The following PTPRK variants were observed in gnomAD, a reference collection of about 807,000 sequenced individuals.
PTPRK encodes the protein receptor-type tyrosine-protein phosphatase kappa.
A neutral mutation model predicts 178.0 loss-of-function variants in PTPRK; 75 were observed. The ratio of observed to expected loss-of-function variants is 0.42; its 90% CI spans 0.35 to 0.51. The LOEUF (loss-of-function observed/expected upper bound fraction) is 0.51. PTPRK is among the 20% of genes least tolerant of loss of function. The pLI is 0.02. For missense variants in PTPRK, 1,441 were observed against 1,797.8 expected, an observed-to-expected ratio of 0.80 and a Z score of 3.59; for synonymous variants, 637 against 620.6, an observed-to-expected ratio of 1.03 and a Z score of -0.39.
rs1387534547 is a variant in PTPRK at position 128,436,978 on chromosome 6, G to A, written c.101-39290C>T. Among the ~76,000 whole-genome samples, 6 of 152,114 alleles carry A rather than the reference G, an allele frequency of 3.9e-5. No homozygotes were observed. The East Asian group carries it at 1.2e-3, about 29-fold the overall frequency. ...TGTGCACTTAGAAATTGTTTAAGAG[G>A]GAAATCTTGTGTTTTTAATTTATGA... On this transcript the variant is annotated intron_variant, in intron 1 of 29. Transcript: ENST00000368226.
At chr6:128,055,868 T>C (rs553103914) in intron 13 of PTPRK, among the ~76,000 whole-genome samples, 1 of 152,244 alleles carries the variant, frequency 6.6e-6, no homozygotes, top group South Asian at 2.1e-4. Context: ...CCCAAAGCAC[T>C]AGGATTACAG....
chr6:127,981,143 A>G lies in PTPRK; in HGVS notation c.3684T>C (p.Ser1228=), dbSNP rs1285578414. The stretch of plus-strand genomic sequence containing the variant: ...CCATAAGAGCAGCATTGATGTAGTT[A>G]CTGCTCTCCCCATCAATTGTAATTA... ...PFLITIDGES[S]NYINAALMDS... Residue 1228 remains serine (S), a synonymous_variant, in exon 25 of 30, where the codon AGT becomes AGC. Coordinates refer to ENST00000368226, the MANE Select transcript of PTPRK (RefSeq NM_002844.4). The G allele has an allele frequency of 6.2e-7, 1 of 1,614,056 alleles. No individual in the cohort carries two copies. The highest frequency in any genetic ancestry group is 1.7e-5 in the Admixed American group (1 of 60,022).
intron 2 of PTPRK, among the ~76,000 whole-genome samples, chr6:128,384,046 A>G (rs1002762454): frequency 1.3e-5 from 2 of 152,172 alleles, no homozygotes; most frequent in African/African-American, 4.8e-5. Flanking sequence ...GAGAAGGATA[A>G]TTTTTTTGTT....
chr6:128,206,406 T>TAAAAA (rs60030807), intron 6 of PTPRK, among the ~76,000 whole-genome samples: 4 of 120,606 alleles, frequency 3.3e-5, no homozygotes, highest in East Asian at 2.4e-4. Flanking sequence ...GGGTGTTCAT[T>TAAAAA]AAAAAAAAAA....
chr6:127,984,171 A>G (rs112871047), intron 22 of PTPRK, among the ~76,000 whole-genome samples: 2,295 of 152,270 alleles, frequency 0.015, 57 homozygotes, highest in African/African-American at 0.052. Flanking sequence ...TAATACACAT[A>G]ATGTAGAGTG....
intron 2 of PTPRK, among the ~76,000 whole-genome samples, chr6:128,375,325 G>C (rs1419086081): frequency 6.6e-6 from 1 of 151,734 alleles, no homozygotes; most frequent in Admixed American, 6.6e-5. Context: ...TCATAATAAT[G>C]GCAGAAGGCA....
At chr6:128,096,443 C>G (rs956762128) in intron 7 of PTPRK, among the ~76,000 whole-genome samples, 6 of 152,096 alleles carry the variant, frequency 3.9e-5, no homozygotes, top group Admixed American at 6.6e-5. Flanking sequence ...ATATCCCTGT[C>G]TTTTTGTAGC....
At chr6:128,488,180 C>T (rs970607499) in intron 1 of PTPRK, among the ~76,000 whole-genome samples, 3 of 152,212 alleles carry the variant, frequency 2.0e-5, no homozygotes, top group Non-Finnish European at 4.4e-5. Flanking sequence ...AGCTGAAGAA[C>T]TTGGAGTCTG....
intron 2 of PTPRK, among the ~76,000 whole-genome samples, chr6:128,336,283 C>T (rs1830920334): frequency 6.6e-6 from 1 of 151,702 alleles, no homozygotes; most frequent in African/African-American, 2.4e-5. Context: ...ACTTAAGGCT[C>T]AATGGGTAAA....
intron 7 of PTPRK, among the ~76,000 whole-genome samples, chr6:128,121,514 T>C (rs1792458043): frequency 6.6e-6 from 1 of 152,080 alleles, no homozygotes; most frequent in Non-Finnish European, 1.5e-5. Context: ...ATTAAAATTA[T>C]ATTTTATCCT....
chr6:128,139,613 T>C (rs1467043387), intron 7 of PTPRK, among the ~76,000 whole-genome samples: 1 of 151,992 alleles, frequency 6.6e-6, no homozygotes, highest in Admixed American at 6.6e-5. Context: ...TTTCCCCTTT[T>C]CTCTCCATCA....
chr6:128,436,419 T>G (rs2128397686), intron 1 of PTPRK, among the ~76,000 whole-genome samples: 1 of 152,302 alleles, frequency 6.6e-6, no homozygotes, highest in African/African-American at 2.4e-5. Flanking sequence ...TAAAGACAAT[T>G]TTTGACATTG....
intron 3 of PTPRK, among the ~76,000 whole-genome samples, chr6:128,310,155 T>C (rs1016701456): frequency 2.0e-5 from 3 of 152,308 alleles, no homozygotes; most frequent in South Asian, 2.1e-4. Context: ...GGGAAGTAGA[T>C]TGTGCCTTCT....
intron 3 of PTPRK, among the ~76,000 whole-genome samples, chr6:128,270,189 T>A (rs1431303730): frequency 6.6e-6 from 1 of 152,092 alleles, no homozygotes; most frequent in Non-Finnish European, 1.5e-5. Context: ...ATTACAACAA[T>A]ATCAACCATG....
At chr6:128,285,800 A>C (rs1448624038) in intron 3 of PTPRK, among the ~76,000 whole-genome samples, 3 of 151,498 alleles carry the variant, frequency 2.0e-5, no homozygotes, top group Admixed American at 6.6e-5. Flanking sequence ...ACGCTGTCTC[A>C]AAAAAAAGTC....
intron 13 of PTPRK, among the ~76,000 whole-genome samples, chr6:128,050,995 C>T (rs1778908301): frequency 6.6e-6 from 1 of 152,088 alleles, no homozygotes; most frequent in Admixed American, 6.5e-5. Context: ...TCTCTTGTTC[C>T]ACATCTGATA....
chr6:128,301,585 T>C (rs1056892142), intron 3 of PTPRK, among the ~76,000 whole-genome samples: 4 of 152,132 alleles, frequency 2.6e-5, no homozygotes, highest in African/African-American at 9.7e-5. Context: ...ACATTAAAAC[T>C]TCAGGCATAT....
intron 7 of PTPRK, among the ~76,000 whole-genome samples, chr6:128,120,962 A>T (rs1447748795): frequency 6.6e-6 from 1 of 151,934 alleles, no homozygotes. Flanking sequence ...CAGAATTGGA[A>T]GAGAAAAAAA....
intron 7 of PTPRK, among the ~76,000 whole-genome samples, chr6:128,131,338 C>T (rs765458426): frequency 6.6e-5 from 10 of 152,056 alleles, no homozygotes; most frequent in Non-Finnish European, 1.2e-4. Context: ...GTTCCAGGAG[C>T]GGGGAGGGCT....
Sources: allele counts gnomAD v4.1 joint callset (sites outside exome capture counted in the v4.1 genomes callset), GRCh38; gene constraint gnomAD v4.1.1; transcripts MANE v1.5; gene names NCBI Gene and HGNC (gene_info 2026-07-23, HGNC 2026-07-21).